CSMD3: variants seen among roughly 807,000 people sequenced by gnomAD.
The protein encoded by CSMD3 is CUB and sushi domain-containing protein 3.
CSMD3 carries 177 observed loss-of-function variants against 435.2 expected under a neutral mutation model. The observed-to-expected ratio is 0.41, with a 90% confidence interval of 0.36 to 0.46. The LOEUF (loss-of-function observed/expected upper bound fraction) is 0.46, where lower values mean the gene tolerates loss of function less well. Among genes scored for constraint, CSMD3 ranks in the 20% least tolerant of loss-of-function variants. The probability of loss-of-function intolerance (pLI) is 0.34; values close to 1 mark genes in which losing one functional copy is unlikely to be tolerated. For synonymous variants in CSMD3, 1,656 were observed against 1,520.5 expected (o/e 1.09, Z -2.07); for missense variants, 4,265 against 4,504.6 (o/e 0.95, Z 1.52).
chr8:112,952,612 T>C (rs1364769744), intron 8 of CSMD3, among the ~76,000 whole-genome samples: 1 of 151,482 alleles, frequency 6.6e-6, no homozygotes, highest in African/African-American at 2.4e-5. Context: ...AAACAAATTA[T>C]AGTAAAATGA....
chr8:112,698,429 C>T (rs2076307759), intron 13 of CSMD3, among the ~76,000 whole-genome samples: 1 of 150,870 alleles, frequency 6.6e-6, no homozygotes, highest in East Asian at 2.0e-4. Flanking sequence ...AGCAATAAAG[C>T]TCTATAGAAA....
chr8:113,355,277 C>T (rs987171076), intron 1 of CSMD3, among the ~76,000 whole-genome samples: 1 of 151,796 alleles, frequency 6.6e-6, no homozygotes, highest in African/African-American at 2.4e-5. Context: ...ATAACACACA[C>T]ACACATATAT....
intron 38 of CSMD3, among the ~76,000 whole-genome samples, chr8:112,356,089 T>C (rs903962335): frequency 1.3e-5 from 2 of 152,140 alleles, no homozygotes; most frequent in Admixed American, 6.5e-5. Context: ...TTGGTGGGAA[T>C]GTAAATTAGT....
At chr8:112,357,625 C>T (rs1826755389) in intron 38 of CSMD3, among the ~76,000 whole-genome samples, 2 of 152,302 alleles carry the variant, frequency 1.3e-5, no homozygotes, top group South Asian at 4.1e-4. Flanking sequence ...GGGCCAGGCC[C>T]AGGGTCCCCA....
chr8:113,320,106 G>A (rs1302527115), intron 1 of CSMD3, among the ~76,000 whole-genome samples: 2 of 151,980 alleles, frequency 1.3e-5, no homozygotes, highest in African/African-American at 4.8e-5. Context: ...TGATTTGGGT[G>A]TGCACACTTT....
Position 112,679,209 on chromosome 8 carries a change from C to A in CSMD3, c.2677+3233G>T, listed in dbSNP as rs143382485. Among the ~76,000 whole-genome samples the A allele has an allele frequency of 1.8e-3, 267 of 151,754 alleles. 6 individuals are homozygous for A. Among genetic ancestry groups the A allele is most frequent in the Admixed American group, 0.013 (202 of 15,216 alleles). On this transcript the variant is annotated intron_variant, in intron 16 of 70. Coordinates refer to ENST00000297405, the MANE Select transcript of CSMD3 (RefSeq NM_198123.2). ...AAAATGAAAGGAAATCAATATAAAC[C>A]TTAATTAGAGGCTAAGAAATCAAAC...
At chr8:113,314,170 CTT>C (rs1252663967) in intron 2 of CSMD3, 21 of 159,436 alleles carry the variant, frequency 1.3e-4, no homozygotes, top group Non-Finnish European at 1.9e-4. Flanking sequence ...TGAATGCTGA[CTT>C]AAGGTGTTTT....
intron 3 of CSMD3, among the ~76,000 whole-genome samples, chr8:113,186,315 G>A (rs562252555): frequency 6.6e-6 from 1 of 152,042 alleles, no homozygotes; most frequent in South Asian, 2.1e-4. Flanking sequence ...AAAACTCACA[G>A]AGAAGGTTCT....
chr8:113,083,885 A>C (rs962144455), intron 5 of CSMD3, among the ~76,000 whole-genome samples: 10 of 152,098 alleles, frequency 6.6e-5, no homozygotes, highest in African/African-American at 2.4e-4. Context: ...GATACAGGAG[A>C]ATCACTTGAG....
intron 6 of CSMD3, among the ~76,000 whole-genome samples, chr8:113,016,736 A>G (rs552962513): frequency 1.3e-5 from 2 of 152,038 alleles, no homozygotes; most frequent in African/African-American, 4.8e-5. Flanking sequence ...TTTAATGTAG[A>G]CACCACTAAA....
chr8:113,081,478 T>C (rs1285638669), intron 5 of CSMD3, among the ~76,000 whole-genome samples: 1 of 152,104 alleles, frequency 6.6e-6, no homozygotes, highest in Non-Finnish European at 1.5e-5. Flanking sequence ...ATTCCCACAA[T>C]ATACACCTGC....
chr8:112,734,278 G>A (rs1432726908), intron 13 of CSMD3, among the ~76,000 whole-genome samples: 2 of 151,080 alleles, frequency 1.3e-5, no homozygotes, highest in Non-Finnish European at 1.5e-5. Flanking sequence ...AGAGAGGAAG[G>A]GAGAGAGAGA....
chr8:113,169,828 T>C (rs558854437), intron 4 of CSMD3, among the ~76,000 whole-genome samples: 7 of 152,204 alleles, frequency 4.6e-5, no homozygotes, highest in Admixed American at 2.0e-4. Flanking sequence ...CTACATCATG[T>C]GCCCCAGGTA....
At chr8:112,932,737 T>G (rs1041755025) in intron 9 of CSMD3, among the ~76,000 whole-genome samples, 13 of 152,084 alleles carry the variant, frequency 8.5e-5, no homozygotes, top group Non-Finnish European at 1.3e-4. Context: ...TACCTACAGT[T>G]AGATAGAAGG....
chr8:112,760,551 G>T (rs1563933963), intron 13 of CSMD3, among the ~76,000 whole-genome samples: 1 of 152,052 alleles, frequency 6.6e-6, no homozygotes, highest in Non-Finnish European at 1.5e-5. Flanking sequence ...ATTAATAAAA[G>T]ATTTATAATA....
chr8:112,772,615 A>T (rs1316489491), intron 13 of CSMD3, among the ~76,000 whole-genome samples: 2 of 151,998 alleles, frequency 1.3e-5, no homozygotes, highest in Non-Finnish European at 2.9e-5. Context: ...GCTGAGGAGG[A>T]TTAGTAAAAG....
intron 32 of CSMD3, among the ~76,000 whole-genome samples, chr8:112,433,667 A>AAAG (rs1343344348): frequency 6.4e-4 from 97 of 150,636 alleles, no homozygotes; most frequent in East Asian, 1.5e-3. Context: ...AAAAAAAAAA[A>AAAG]AAAAAGAAAG....
chr8:112,533,385 T>C (rs1359276191), intron 27 of CSMD3, among the ~76,000 whole-genome samples: 3 of 151,884 alleles, frequency 2.0e-5, no homozygotes, highest in Non-Finnish European at 4.4e-5. Context: ...AACATACTCA[T>C]CTATAAGGAC....
chr8:113,052,898 T>C (rs1381008479), intron 5 of CSMD3, among the ~76,000 whole-genome samples: 1 of 152,244 alleles, frequency 6.6e-6, no homozygotes, highest in Non-Finnish European at 1.5e-5. Flanking sequence ...AAAAATCTGA[T>C]GTGAATTCAA....
Sources: gnomAD v4.1 joint callset for allele counts (sites outside exome capture counted in the v4.1 genomes callset) on GRCh38, gnomAD v4.1.1 for gene constraint, MANE v1.5 for transcripts, NCBI Gene and HGNC (gene_info 2026-07-23, HGNC 2026-07-21) for gene names.